Variants in PRKCE observed in about 807,000 individuals in gnomAD.
PRKCE encodes the protein protein kinase C epsilon type.
PRKCE carries 16 observed loss-of-function variants against 85.4 expected under a neutral mutation model. The ratio of observed to expected loss-of-function variants is 0.19; its 90% CI spans 0.13 to 0.28. The LOEUF is 0.28. PRKCE is among the 10% of genes least tolerant of loss of function. The pLI, the probability that PRKCE is intolerant of heterozygous loss-of-function variation, is 1.00. For synonymous variants in PRKCE, 388 were observed against 371.5 expected, an observed-to-expected ratio of 1.04 and a Z score of -0.51; for missense variants, 573 against 975.2, an observed-to-expected ratio of 0.59 and a Z score of 5.49.
At position 46,089,078 on chromosome 2, in the gene PRKCE, A is replaced by G. The variant is rs559282441; in HGVS notation, c.1592+2716A>G. The stretch of plus-strand genomic sequence containing the variant: ...GACCACTTTTGCCCTGTTGGCTTCT[A>G]TGAGCCATTCTCTTCTCCCCACTTG... On this transcript the variant is annotated intron_variant, in intron 11 of 14. Coordinates refer to ENST00000306156, the MANE Select transcript of PRKCE (RefSeq NM_005400.3). Among the ~76,000 whole-genome samples, 5 of 152,280 alleles carry G rather than the reference A, an allele frequency of 3.3e-5. No individual in the cohort carries two copies. The East Asian group carries it at 9.6e-4, about 29-fold the overall frequency.
intron 1 of PRKCE, among the ~76,000 whole-genome samples, chr2:45,818,864 T>C (rs560785254): frequency 1.3e-5 from 2 of 152,316 alleles, no homozygotes; most frequent in South Asian, 4.1e-4. Context: ...CGAGTGTATC[T>C]AATAGCTTGC....
intron 1 of PRKCE, among the ~76,000 whole-genome samples, chr2:45,753,363 A>T (rs1371018593): frequency 6.6e-6 from 1 of 152,212 alleles, no homozygotes. Flanking sequence ...TGTGCCAGAG[A>T]AGTTTTATGG....
chr2:46,156,018 A>C (rs1291667037), intron 13 of PRKCE, among the ~76,000 whole-genome samples: 3 of 148,546 alleles, frequency 2.0e-5, no homozygotes, highest in Non-Finnish European at 4.5e-5. Flanking sequence ...AAAAAAAAAA[A>C]CTTCATGTAC....
chr2:45,836,576 C>T (rs1690894427), intron 1 of PRKCE, among the ~76,000 whole-genome samples: 1 of 152,210 alleles, frequency 6.6e-6, no homozygotes, highest in Non-Finnish European at 1.5e-5. Context: ...TCTCCCATGC[C>T]AGGTGGGTCT....
intron 1 of PRKCE, among the ~76,000 whole-genome samples, chr2:45,826,958 C>A (rs760654905): frequency 1.3e-5 from 2 of 152,234 alleles, no homozygotes; most frequent in Non-Finnish European, 2.9e-5. Context: ...TGCCTTCCTG[C>A]GTCCTCATGG....
At position 46,138,342 on chromosome 2, in the gene PRKCE, T is replaced by C. The variant is rs943932916; in HGVS notation, c.1593-6751T>C. Among the ~76,000 whole-genome samples the C allele has an allele frequency of 5.3e-5, 8 of 152,236 alleles. No individual in the cohort carries two copies. Among genetic ancestry groups the C allele is most frequent in the African/African-American group, 1.7e-4 (7 of 41,462 alleles). ...TACGTCTGTCATTTTATCTAATAGG[T>C]GGTCACGGGCAGTTATGTAGGGTCA... is the stretch of plus-strand genomic sequence containing the variant. On this transcript the variant is annotated intron_variant, in intron 11 of 14. Coordinates refer to ENST00000306156, the MANE Select transcript of PRKCE (RefSeq NM_005400.3). This position sits in a 1 kb window ranked among gnomAD's most constrained non-coding sequence, Gnocchi z 4.2.
At chr2:45,724,479 AG>A (rs1013091248) in intron 1 of PRKCE, among the ~76,000 whole-genome samples, 14 of 152,216 alleles carry the variant, frequency 9.2e-5, no homozygotes, top group African/African-American at 3.1e-4. Flanking sequence ...TTCCAGTGAA[AG>A]GAAGTCTCAG....
At chr2:45,988,268 C>T (rs1230822734) in intron 6 of PRKCE, among the ~76,000 whole-genome samples, 1 of 152,142 alleles carries the variant, frequency 6.6e-6, no homozygotes, top group Non-Finnish European at 1.5e-5. Context: ...ACAGTATTTT[C>T]AGCAAAACAG....
At chr2:46,151,670 T>C (rs1035201065) in intron 13 of PRKCE, among the ~76,000 whole-genome samples, 5 of 27,860 alleles carry the variant, frequency 1.8e-4, no homozygotes, top group Non-Finnish European at 3.6e-4. Flanking sequence ...GGAGGGAGGG[T>C]GGGCACCGCC....
chr2:46,108,672 T>C (rs1178190017), intron 11 of PRKCE, among the ~76,000 whole-genome samples: 2 of 152,208 alleles, frequency 1.3e-5, no homozygotes, highest in South Asian at 2.1e-4. Flanking sequence ...AAGTGTGTTT[T>C]GTGGAGCATA....
intron 10 of PRKCE, among the ~76,000 whole-genome samples, chr2:46,052,506 A>C (rs1356266216): frequency 3.3e-5 from 5 of 152,236 alleles, no homozygotes; most frequent in African/African-American, 7.2e-5. Flanking sequence ...GAAGATCAAC[A>C]TAAATGGAAA....
chr2:45,919,735 G>A (rs150190276), intron 2 of PRKCE, among the ~76,000 whole-genome samples: 1 of 152,316 alleles, frequency 6.6e-6, no homozygotes, highest in African/African-American at 2.4e-5. Context: ...CTAGGGCTGG[G>A]GCTAGAGAAA....
intron 2 of PRKCE, among the ~76,000 whole-genome samples, chr2:45,897,551 A>G (rs1021683557): frequency 1.3e-5 from 2 of 152,366 alleles, no homozygotes; most frequent in South Asian, 2.1e-4. Flanking sequence ...GCAATTGAGT[A>G]TCTTTAGTGG....
At chr2:46,175,735 A>G (rs1170521731) in intron 14 of PRKCE, among the ~76,000 whole-genome samples, 1 of 152,164 alleles carries the variant, frequency 6.6e-6, no homozygotes, top group Non-Finnish European at 1.5e-5. Flanking sequence ...TCCTGATTTT[A>G]TAAATACCAA....
chr2:45,886,001 C>G (rs976035419), intron 2 of PRKCE, among the ~76,000 whole-genome samples: 1 of 152,214 alleles, frequency 6.6e-6, no homozygotes, highest in African/African-American at 2.4e-5. Context: ...GAACGTGAAT[C>G]TTTCCCACTG....
intron 1 of PRKCE, among the ~76,000 whole-genome samples, chr2:45,704,265 G>T (rs1029436586): frequency 7.2e-5 from 11 of 152,192 alleles, no homozygotes; most frequent in Admixed American, 3.9e-4. Flanking sequence ...GGCTTAGTAT[G>T]TTGGGGTTGG....
In PRKCE at chr2:46,105,234, A is replaced by G. The variant is rs899689898; in HGVS notation, c.1592+18872A>G. Reference sequence around the variant, plus strand: ...ATCCTTTGCTGGCATTATATTTTTCAGCTTTAGATCCTTCACCTTCCTTTT... The same window carrying G: ...ATCCTTTGCTGGCATTATATTTTTCGGCTTTAGATCCTTCACCTTCCTTTT... On this transcript the variant is annotated intron_variant, in intron 11 of 14. Coordinates refer to ENST00000306156, the MANE Select transcript of PRKCE (RefSeq NM_005400.3). 1.1e-4 allele frequency among the ~76,000 whole-genome samples: 16 copies of G among 152,142 alleles called. No individual in the cohort carries two copies. In the South Asian group the frequency reaches 1.5e-3, roughly 14 times the overall value.
At chr2:46,013,369 T>C (rs1705849171) in intron 10 of PRKCE, among the ~76,000 whole-genome samples, 1 of 152,152 alleles carries the variant, frequency 6.6e-6, no homozygotes. Context: ...TTCCACAAGC[T>C]AAGAGGGAGT....
At chr2:45,967,562 T>C (rs907611244) in intron 2 of PRKCE, among the ~76,000 whole-genome samples, 16 of 152,212 alleles carry the variant, frequency 1.1e-4, no homozygotes, top group African/African-American at 3.9e-4. Context: ...GTCAGGACTA[T>C]GGTGCAAGCA....
Sources: allele counts gnomAD v4.1 joint callset (sites outside exome capture counted in the v4.1 genomes callset), GRCh38; gene constraint gnomAD v4.1.1; non-coding constraint Gnocchi (gnomAD v3.1); transcripts MANE v1.5; gene names NCBI Gene and HGNC (gene_info 2026-07-23, HGNC 2026-07-21).